The following CRY1 variants were observed in gnomAD, a reference collection of about 807,000 sequenced individuals.
The protein encoded by CRY1 is cryptochrome circadian regulator 1.
Under a neutral mutation model 76.0 loss-of-function variants are expected in CRY1, and 45 were observed. The ratio of observed to expected loss-of-function variants is 0.59; its 90% CI spans 0.47 to 0.76. The LOEUF (loss-of-function observed/expected upper bound fraction) is 0.76, where lower values mean the gene tolerates loss of function less well. CRY1 is among the 30% of genes least tolerant of loss of function. The pLI, the probability that CRY1 is intolerant of heterozygous loss-of-function variation, is 0.00. For missense variants in CRY1, 587 were observed against 716.4 expected (o/e 0.82, Z 2.06); for synonymous variants, 248 against 244.0 (o/e 1.02, Z -0.15).
chr12:107,027,066 A>C (rs1439491625), intron 1 of CRY1, among the ~76,000 whole-genome samples: 1 of 152,198 alleles, frequency 6.6e-6, no homozygotes, highest in Non-Finnish European at 1.5e-5. Context: ...CCAGGTTCAA[A>C]GTATCAACTC....
rs112060635 is a variant in CRY1, at chr12:107,080,442, G to A, written c.158+12362C>T. ...TGGGCATAGACGAGTAAATGGTAAC[G>A]GACTTTATGAGAGGAGATAAGATTG... On this transcript the variant is annotated intron_variant, in intron 1 of 12. Transcript: ENST00000008527. Among the ~76,000 whole-genome samples, 383 of 152,116 alleles carry A rather than the reference G, an allele frequency of 2.5e-3. 2 individuals carry two copies. Among genetic ancestry groups the A allele is most frequent in the African/African-American group, 8.8e-3 (365 of 41,514 alleles).
chr12:107,036,379 G>A (rs1565832660), intron 1 of CRY1, among the ~76,000 whole-genome samples: 1 of 152,150 alleles, frequency 6.6e-6, no homozygotes, highest in East Asian at 1.9e-4. Context: ...GATTACTTCT[G>A]ACTGCCTTTA....
chr12:107,022,006 T>C (rs1263011017), intron 2 of CRY1, 78 bp downstream of exon 2: 7 of 1,082,084 alleles, frequency 6.5e-6, no homozygotes, highest in East Asian at 5.2e-5. Flanking sequence ...CATTTTCAAT[T>C]AGTCAAAAAA....
At chr12:107,049,989 T>C (rs1952899873) in intron 1 of CRY1, 1 of 152,068 alleles carries the variant, frequency 6.6e-6, no homozygotes, top group Non-Finnish European at 1.5e-5. Flanking sequence ...AAACTAGATA[T>C]ACAAGTGGAA....
Position 107,000,072 on chromosome 12 carries a change from G to A in CRY1, c.695C>T (p.Ala232Val). 3 of 1,594,466 alleles carry A rather than the reference G, an allele frequency of 1.9e-6. No homozygotes were observed. Among genetic ancestry groups the A allele is most frequent in the Non-Finnish European group, 2.6e-6 (3 of 1,174,442 alleles). Residue 232 changes from alanine (A) to valine (V), a missense_variant, in exon 6 of 13, where the codon GCA becomes GTA. By Grantham distance (64) the Ala-to-Val change is moderately conservative. Transcript: ENST00000008527. Reference sequence around the variant, plus strand: ...ATTCATTCGAGGTCTTTCAAAATTTGCCACCCAAGCCTGAAAACACACAGA... The same window carrying A: ...ATTCATTCGAGGTCTTTCAAAATTTACCACCCAAGCCTGAAAACACACAGA... ...ERHLERKAWV[A>V]NFERPRMNAN...
chr12:107,022,108 T>C lies in CRY1; in HGVS notation c.243A>G (p.Ala81=), dbSNP rs751374519. 2.5e-6 allele frequency: 4 copies of C among 1,605,112 alleles called. No homozygotes were observed. The highest frequency in any genetic ancestry group is 3.4e-6 in the Non-Finnish European group (4 of 1,175,484). ...SRLFVIRGQP[A]DVFPRLFKEW... ...CCTTGAAAAGCCTGGGAAACACATC[T>C]GCTGGTTGTCCACGAATCACAAACA... is the stretch of plus-strand genomic sequence containing the variant. The change falls in exon 2 of 13, where the codon GCA becomes GCG. Residue 81 remains alanine, a synonymous_variant. Transcript: ENST00000008527.
chr12:107,005,462 A>C (rs1160329304), intron 2 of CRY1, among the ~76,000 whole-genome samples: 4 of 152,246 alleles, frequency 2.6e-5, no homozygotes, highest in African/African-American at 9.6e-5. Flanking sequence ...GCTAGGCAAC[A>C]ATCTAGCAAA....
chr12:107,016,239 G>A (rs1473584587), intron 2 of CRY1, among the ~76,000 whole-genome samples: 1 of 152,148 alleles, frequency 6.6e-6, no homozygotes, highest in Non-Finnish European at 1.5e-5. Flanking sequence ...GAACCCAGGA[G>A]GTGGAGGCTG....
At chr12:106,993,811 T>A (rs1027531959) in intron 10 of CRY1, among the ~76,000 whole-genome samples, 5 of 152,162 alleles carry the variant, frequency 3.3e-5, no homozygotes, top group African/African-American at 1.2e-4. Flanking sequence ...TAATGACTAA[T>A]AATGCCGATG....
chr12:107,050,566 T>C (rs1051428779), intron 1 of CRY1, among the ~76,000 whole-genome samples: 7 of 152,166 alleles, frequency 4.6e-5, no homozygotes, highest in African/African-American at 1.7e-4. Context: ...TCTGCCACAA[T>C]TGTAAGTTTC....
intron 2 of CRY1, among the ~76,000 whole-genome samples, chr12:107,014,189 T>C (rs193206893): frequency 6.6e-6 from 1 of 152,324 alleles, no homozygotes; most frequent in East Asian, 1.9e-4. Context: ...TTCATACCAA[T>C]AACCTGCTGG....
intron 1 of CRY1, among the ~76,000 whole-genome samples, chr12:107,067,422 C>T (rs1028300106): frequency 6.6e-6 from 1 of 152,054 alleles, no homozygotes; most frequent in Non-Finnish European, 1.5e-5. Context: ...TCACAGACTC[C>T]CTTTTATCCC....
chr12:107,092,924 A>T lies in CRY1; in HGVS notation c.38T>A (p.Leu13His). The change falls in exon 1 of 13, where the codon CTC becomes CAC. Residue 13 changes from leucine (L) to histidine (H), a missense_variant. Coordinates refer to ENST00000008527, the MANE Select transcript of CRY1 (RefSeq NM_004075.5). ...VNAVHWFRKG[L>H]RLHDNPALKE... ...CAGGGCGGGGTTGTCGTGGAGCCGGAGCCCCTTTCGGAACCAGTGCACGGC... is the reference window on the plus strand; with the variant it reads ...CAGGGCGGGGTTGTCGTGGAGCCGGTGCCCCTTTCGGAACCAGTGCACGGC... 1 of 1,602,876 alleles carries T rather than the reference A, an allele frequency of 6.2e-7. No individual in the cohort carries two copies. The highest frequency in any genetic ancestry group is 8.5e-7 in the Non-Finnish European group (1 of 1,175,598).
intron 1 of CRY1, among the ~76,000 whole-genome samples, chr12:107,071,318 A>G (rs1211354094): frequency 6.6e-6 from 1 of 152,174 alleles, no homozygotes; most frequent in East Asian, 1.9e-4. Flanking sequence ...ACTTTATCAA[A>G]AGTATTTTCA....
At position 107,093,090 on chromosome 12, in the gene CRY1, G is replaced by C; in HGVS notation, c.-129C>G. ...AGGAAAGGGCGGCAGAGGGGGAACA[G>C]GAAAAAATGACTCCGAGGAGGGGAC... On this transcript the variant is annotated 5_prime_UTR_variant, in exon 1 of 13. Transcript: ENST00000008527. 1 of 1,137,902 alleles carries C rather than the reference G, an allele frequency of 8.8e-7. No individual in the cohort carries two copies. The highest frequency in any genetic ancestry group is 2.8e-5 in the East Asian group (1 of 35,862). The allele number at this position is 1,137,902 out of a possible 1,614,324, so 70.5% of individuals were successfully genotyped here. A position where few individuals can be genotyped will look rare whatever the true frequency, so the allele number is the denominator to read the frequency against.
rs35146852 is a variant in CRY1, at chr12:107,046,292, C to CA, written c.159-24101dup. On this transcript the variant is annotated intron_variant, in intron 1 of 12. Coordinates refer to ENST00000008527, the MANE Select transcript of CRY1 (RefSeq NM_004075.5). ...TGGGTGACAGAGTGAGACTTTGCCT[C>CA]AAAAAAAAAAAATGCTCAAAGGCAT... 3.0e-3 allele frequency among the ~76,000 whole-genome samples: 434 copies of CA among 145,936 alleles called. 1 individual carries two copies. The highest frequency in any genetic ancestry group is 4.3e-3 in the Admixed American group (63 of 14,670).
intron 1 of CRY1, among the ~76,000 whole-genome samples, chr12:107,091,446 GA>G (rs1456353467): frequency 1.3e-5 from 2 of 152,084 alleles, no homozygotes; most frequent in Non-Finnish European, 2.9e-5. Flanking sequence ...TTATTACTAT[GA>G]TTCAAGCCGT....
intron 1 of CRY1, among the ~76,000 whole-genome samples, chr12:107,039,286 T>A (rs920479197): frequency 1.3e-5 from 2 of 152,148 alleles, no homozygotes; most frequent in African/African-American, 4.8e-5. Flanking sequence ...AATGCTTTCA[T>A]CAATATGACT....
intron 1 of CRY1, among the ~76,000 whole-genome samples, chr12:107,051,320 A>G (rs1952917726): frequency 6.6e-6 from 1 of 152,188 alleles, no homozygotes; most frequent in Admixed American, 6.6e-5. Flanking sequence ...ATTAATTTTT[A>G]AATATTCTTA....
Sources: allele counts gnomAD v4.1 joint callset (sites outside exome capture counted in the v4.1 genomes callset), GRCh38; gene constraint gnomAD v4.1.1; transcripts MANE v1.5; gene names NCBI Gene and HGNC (gene_info 2026-07-23, HGNC 2026-07-21).